Variants in SHISA9 observed in about 807,000 individuals in gnomAD.
The protein encoded by SHISA9 is shisa family member 9, also known as protein shisa-9.
A neutral mutation model predicts 38.0 loss-of-function variants in SHISA9; 13 were observed. The observed-to-expected ratio is 0.34, with a 90% CI of 0.22 to 0.54. SHISA9 has a LOEUF of 0.54. Among genes scored for constraint, SHISA9 ranks in the 20% least tolerant of loss-of-function variants. SHISA9 has a pLI of 0.91. For synonymous variants in SHISA9, 275 were observed against 242.0 expected (o/e 1.14, Z -1.27); for missense variants, 538 against 575.8 (o/e 0.93, Z 0.67).
At chr16:13,263,577 A>T in the SHISA9 span, among the ~76,000 whole-genome samples, 4 of 152,172 alleles carry the variant, frequency 2.6e-5, no homozygotes, top group Non-Finnish European at 5.9e-5. Context: ...GATGACCAAC[A>T]CTATGCTTCC....
intron 2 of SHISA9, among the ~76,000 whole-genome samples, chr16:13,073,307 T>A (rs1315703567): frequency 1.3e-5 from 2 of 151,330 alleles, no homozygotes; most frequent in African/African-American, 4.9e-5. Flanking sequence ...AGGAAACTTA[T>A]CAGGTGGTCG....
At chr16:12,929,937 T>G (rs889293980) in intron 2 of SHISA9, among the ~76,000 whole-genome samples, 4 of 152,210 alleles carry the variant, frequency 2.6e-5, no homozygotes, top group Non-Finnish European at 5.9e-5. Flanking sequence ...TGTTTAGGTC[T>G]TGGGTAAACT....
chr16:12,929,850 C>G (rs947757313), intron 2 of SHISA9, among the ~76,000 whole-genome samples: 1 of 152,138 alleles, frequency 6.6e-6, no homozygotes, highest in Non-Finnish European at 1.5e-5. Context: ...GCTTCCACTT[C>G]AGGGGTTTTA....
intron 2 of SHISA9, among the ~76,000 whole-genome samples, chr16:13,016,019 A>G: frequency 2.2e-5 from 1 of 44,904 alleles, no homozygotes; most frequent in East Asian, 5.9e-4. Flanking sequence ...ACAGAATCTC[A>G]CTCTTTTGCC....
chr16:13,133,817 CA>C (rs1195415166), intron 2 of SHISA9, among the ~76,000 whole-genome samples: 2 of 152,174 alleles, frequency 1.3e-5, no homozygotes, highest in African/African-American at 4.8e-5. Context: ...ATTCATTTAG[CA>C]ACCATTCAGT....
the SHISA9 span, among the ~76,000 whole-genome samples, chr16:13,295,050 G>T: frequency 6.6e-6 from 1 of 152,066 alleles, no homozygotes; most frequent in Non-Finnish European, 1.5e-5. Context: ...GAATAGAAAG[G>T]TTTGGTACCT....
chr16:13,401,146 T>C, the SHISA9 span, among the ~76,000 whole-genome samples: 9 of 152,202 alleles, frequency 5.9e-5, no homozygotes, highest in Non-Finnish European at 8.8e-5. Flanking sequence ...AAATAGAATT[T>C]GTTGAGTGCC....
chr16:13,229,365 A>G lies in SHISA9; in HGVS notation c.896-5665A>G, dbSNP rs1379517861. 2.0e-5 allele frequency among the ~76,000 whole-genome samples: 3 copies of G among 152,158 alleles called. No individual in the cohort carries two copies. In the East Asian group the frequency reaches 5.8e-4, roughly 29 times the overall value. On this transcript the variant is annotated intron_variant, in intron 4 of 4. Transcript: ENST00000558583. ...TTATGGAGAGATCTGACTTTATCGG[A>G]CTTTCTAGAAGGGAGAGGGACCTCA... is the stretch of plus-strand genomic sequence containing the variant.
At chr16:13,050,408 T>G (rs1197017239) in intron 2 of SHISA9, among the ~76,000 whole-genome samples, 1 of 152,200 alleles carries the variant, frequency 6.6e-6, no homozygotes, top group Non-Finnish European at 1.5e-5. Context: ...CTTGGCTCAC[T>G]GCAACCTCTA....
At chr16:12,915,183 A>G (rs749066257) in intron 1 of SHISA9, among the ~76,000 whole-genome samples, 28 of 152,214 alleles carry the variant, frequency 1.8e-4, no homozygotes, top group Non-Finnish European at 3.7e-4. Context: ...TTTATTGGCC[A>G]GCTGCGGTGG....
intron 2 of SHISA9, among the ~76,000 whole-genome samples, chr16:12,932,897 C>A (rs1424159429): frequency 6.6e-6 from 1 of 152,110 alleles, no homozygotes; most frequent in East Asian, 1.9e-4. Context: ...GCCATGTCTG[C>A]TGTGAGAAAA....
At chr16:13,452,208 A>AG in the SHISA9 span, among the ~76,000 whole-genome samples, 1 of 152,166 alleles carries the variant, frequency 6.6e-6, no homozygotes, top group Admixed American at 6.5e-5. Flanking sequence ...ACTGTTACAG[A>AG]GGGAGGGTGC....
the SHISA9 span, among the ~76,000 whole-genome samples, chr16:13,436,826 C>G: frequency 6.6e-6 from 1 of 152,136 alleles, no homozygotes; most frequent in African/African-American, 2.4e-5. Context: ...ACGTGATTTG[C>G]TAGTGGGAGT....
Position 13,227,281 on chromosome 16 carries a change from G to A in SHISA9, c.896-7749G>A, listed in dbSNP as rs187744045. On this transcript the variant is annotated intron_variant, in intron 4 of 4. Transcript: ENST00000558583. The stretch of plus-strand genomic sequence containing the variant: ...AATGGATTACAGGAGGTGAAACAAG[G>A]CAAGGAGGCCAGTTTGGTTACTGAA... Among the ~76,000 whole-genome samples the A allele has an allele frequency of 5.9e-4, 90 of 152,348 alleles. 1 individual carries two copies. Among genetic ancestry groups the A allele is most frequent in the Non-Finnish European group, 1.1e-3 (77 of 68,038 alleles).
chr16:13,370,190 C>T, the SHISA9 span, among the ~76,000 whole-genome samples: 1 of 152,142 alleles, frequency 6.6e-6, no homozygotes. Context: ...TGTTTTTACG[C>T]CTCCTGGCTT....
the SHISA9 span, among the ~76,000 whole-genome samples, chr16:13,550,933 C>T: frequency 1.3e-5 from 2 of 152,038 alleles, no homozygotes; most frequent in Admixed American, 6.6e-5. Context: ...ACCAGCCTGG[C>T]CAACACAGTG....
intron 2 of SHISA9, among the ~76,000 whole-genome samples, chr16:13,198,466 T>A (rs1001574618): frequency 9.8e-5 from 15 of 152,318 alleles, no homozygotes; most frequent in Middle Eastern, 3.4e-3. Context: ...TCTCTCAACT[T>A]GGCAAGGGCA....
intron 2 of SHISA9, among the ~76,000 whole-genome samples, chr16:13,098,824 T>C (rs1450538003): frequency 6.6e-6 from 1 of 152,244 alleles, no homozygotes; most frequent in Non-Finnish European, 1.5e-5. Context: ...CTCTGTTGAA[T>C]CTGGCTCAAT....
the SHISA9 span, among the ~76,000 whole-genome samples, chr16:13,321,361 A>C: frequency 0.49 from 75,180 of 151,990 alleles, 18,839 homozygotes; most frequent in African/African-American, 0.57. Context: ...TGAACGAATG[A>C]ATGATTTTTC....
Sources: gnomAD v4.1 joint callset for allele counts (sites outside exome capture counted in the v4.1 genomes callset) on GRCh38, gnomAD v4.1.1 for gene constraint, MANE v1.5 for transcripts, NCBI Gene and HGNC (gene_info 2026-07-23, HGNC 2026-07-21) for gene names.